RBFOX2: variants seen among roughly 807,000 people sequenced by gnomAD.
RBFOX2 encodes the protein RNA binding fox-1 homolog 2.
RBFOX2 carries 10 observed loss-of-function variants against 49.1 expected under a neutral mutation model. The observed-to-expected ratio is 0.20, with a 90% CI of 0.13 to 0.35. RBFOX2 has a LOEUF of 0.35. RBFOX2 is among the 10% of genes least tolerant of loss of function. The probability of loss-of-function intolerance (pLI) is 1.00; values close to 1 mark genes in which losing one functional copy is unlikely to be tolerated. For missense variants in RBFOX2, 323 were observed against 486.9 expected, an observed-to-expected ratio of 0.66 and a Z score of 3.17; for synonymous variants, 183 against 187.4, an observed-to-expected ratio of 0.98 and a Z score of 0.19.
chr22:36,007,201 CT>C (rs2058651568), intron 1 of RBFOX2, among the ~76,000 whole-genome samples: 1 of 152,038 alleles, frequency 6.6e-6, no homozygotes. Context: ...TTATCTACCC[CT>C]CCATATCAGC....
At position 36,028,237 on chromosome 22, in the gene RBFOX2, C is replaced by T. The variant is rs1178840822; in HGVS notation, c.186+3G>A. The stretch of plus-strand genomic sequence containing the variant: ...AACTGGGCGCCCCGTCCCGCGCGGT[C>T]ACCTGCATCCCGCCGCCACCGTCGG... On this transcript the variant is annotated splice_donor_region_variant and intron_variant, in intron 1 of 13. Transcript: ENST00000438146. 6.6e-7 allele frequency: 1 copy of T among 1,513,014 alleles called. No individual in the cohort carries two copies. The highest frequency in any genetic ancestry group is 8.8e-7 in the Non-Finnish European group (1 of 1,139,260). 93.7% of individuals were successfully genotyped at this position (1,513,014 alleles called of 1,614,324 possible). A position where few individuals can be genotyped will look rare whatever the true frequency, so the allele number is the denominator to read the frequency against.
rs898442428 is a variant in RBFOX2, at chr22:35,761,188, CAT to C, written c.754+12_754+13del. Reference sequence around the variant, plus strand: ...ACAGTCAAAATCCATGCCAGGCCAACATAGGCTACTTACTGATTAAAGGAATG... The same window carrying C: ...ACAGTCAAAATCCATGCCAGGCCAACAGGCTACTTACTGATTAAAGGAATG... On this transcript the variant is annotated intron_variant, in intron 8 of 11. Transcript: ENST00000405409. 1.2e-6 allele frequency: 2 copies of C among 1,610,474 alleles called. No homozygotes were observed. The highest frequency in any genetic ancestry group is 2.7e-5 in the African/African-American group (2 of 74,774).
At chr22:35,768,627 A>G (rs1941741191) in intron 4 of RBFOX2, among the ~76,000 whole-genome samples, 1 of 152,240 alleles carries the variant, frequency 6.6e-6, no homozygotes, top group Non-Finnish European at 1.5e-5. Flanking sequence ...ATTAAGGTAC[A>G]GAGTTACTCG....
chr22:35,961,538 C>G, intron 1 of RBFOX2: 1 of 1,304,030 alleles, frequency 7.7e-7, no homozygotes. Flanking sequence ...TCCACCACCC[C>G]CCACACACCC....
intron 9 of RBFOX2, among the ~76,000 whole-genome samples, chr22:35,753,490 TTAAGA>T (rs1336376223): frequency 5.3e-5 from 8 of 152,166 alleles, no homozygotes; most frequent in Admixed American, 1.3e-4. Flanking sequence ...TAACTCTGCT[TTAAGA>T]TAAGAACTAA....
chr22:36,024,260 A>G (rs762496088), intron 1 of RBFOX2, among the ~76,000 whole-genome samples: 8 of 152,250 alleles, frequency 5.3e-5, no homozygotes, highest in Non-Finnish European at 7.3e-5. Context: ...GGATAAATAC[A>G]AAGGAAATAT....
At chr22:35,938,787 C>T (rs1430720230) in intron 1 of RBFOX2, 60 bp downstream of exon 2, 14 of 1,485,594 alleles carry the variant, frequency 9.4e-6, no homozygotes, top group South Asian at 2.3e-5. Context: ...ATCATAGCAA[C>T]CCTTTGATGA....
upstream of RBFOX2, among the ~76,000 whole-genome samples, chr22:35,844,464 G>A (rs890598332): frequency 2.0e-4 from 30 of 152,060 alleles, no homozygotes; most frequent in East Asian, 7.7e-4. Context: ...TTCCAAGAGC[G>A]CACTTGGAGA....
intron 2 of RBFOX2, among the ~76,000 whole-genome samples, chr22:35,784,561 A>G (rs1945964767): frequency 6.6e-6 from 1 of 152,266 alleles, no homozygotes; most frequent in Admixed American, 6.5e-5. Context: ...TCATTCAGGT[A>G]GAAGACTTTC....
chr22:35,955,889 G>A lies in RBFOX2; in HGVS notation c.42+5674C>T, dbSNP rs757160339. Among the ~76,000 whole-genome samples, 7 of 152,144 alleles carry A rather than the reference G, an allele frequency of 4.6e-5. No individual in the cohort carries two copies. The East Asian group carries it at 1.2e-3, about 25-fold the overall frequency. ...ATTCTGAAGTATAAGAAAGAAATTTGGCATTCCATGGATATGTATCTGGAA... is the reference window on the plus strand; with the variant it reads ...ATTCTGAAGTATAAGAAAGAAATTTAGCATTCCATGGATATGTATCTGGAA... On this transcript the variant is annotated intron_variant, in intron 1 of 5. Transcript: ENST00000408983.
At chr22:35,835,129 G>A (rs1957425060) in intron 1 of RBFOX2, among the ~76,000 whole-genome samples, 1 of 152,084 alleles carries the variant, frequency 6.6e-6, no homozygotes, top group African/African-American at 2.4e-5. Flanking sequence ...ATTTGTGCCT[G>A]GCAAATTTCA....
chr22:35,811,622 G>C (rs932701583), intron 1 of RBFOX2, among the ~76,000 whole-genome samples: 1 of 152,124 alleles, frequency 6.6e-6, no homozygotes, highest in Non-Finnish European at 1.5e-5. Context: ...TGAAGATTCT[G>C]TAACAGAAAT....
chr22:35,845,378 T>C (rs907744266), upstream of RBFOX2, among the ~76,000 whole-genome samples: 1 of 151,230 alleles, frequency 6.6e-6, no homozygotes, highest in Non-Finnish European at 1.5e-5. Context: ...TTCAGTCATA[T>C]AGAACCCATT....
chr22:36,018,908 C>T (rs2059144535), intron 1 of RBFOX2, among the ~76,000 whole-genome samples: 1 of 152,210 alleles, frequency 6.6e-6, no homozygotes, highest in South Asian at 2.1e-4. Context: ...GCCACCGCAC[C>T]TGGCCAGATT....
At chr22:35,893,642 TAGAGA>T (rs1037314381) in intron 1 of RBFOX2, among the ~76,000 whole-genome samples, 2 of 151,990 alleles carry the variant, frequency 1.3e-5, no homozygotes, top group African/African-American at 4.8e-5. Flanking sequence ...AAAAAATCAA[TAGAGA>T]AGAGAAAATA....
intron 1 of RBFOX2, among the ~76,000 whole-genome samples, chr22:35,947,369 A>G (rs2054401960): frequency 6.6e-6 from 1 of 152,102 alleles, no homozygotes. Context: ...ACAGTGCTTG[A>G]TGATAATAAA....
At chr22:35,993,166 C>A (rs2058051337) in intron 1 of RBFOX2, 1 of 152,152 alleles carries the variant, frequency 6.6e-6, no homozygotes, top group Admixed American at 6.6e-5. Flanking sequence ...AAGCTAAATT[C>A]ACCTTTGCGC....
At chr22:35,973,341 G>A (rs983070740) in intron 1 of RBFOX2, among the ~76,000 whole-genome samples, 1 of 152,134 alleles carries the variant, frequency 6.6e-6, no homozygotes, top group African/African-American at 2.4e-5. Context: ...AAACTTACAG[G>A]AGTCAGTAAC....
At chr22:35,956,870 G>A (rs1346857702) in intron 1 of RBFOX2, among the ~76,000 whole-genome samples, 4 of 152,154 alleles carry the variant, frequency 2.6e-5, no homozygotes, top group Non-Finnish European at 4.4e-5. Flanking sequence ...TCATAACCGA[G>A]GATGGAGAAT....
Sources: allele counts gnomAD v4.1 joint callset (sites outside exome capture counted in the v4.1 genomes callset), GRCh38; gene constraint gnomAD v4.1.1; transcripts MANE v1.5; gene names NCBI Gene and HGNC (gene_info 2026-07-23, HGNC 2026-07-21).